Variants in ST6GALNAC5 observed in about 807,000 individuals in gnomAD.
ST6GALNAC5 encodes ST6 N-acetylgalactosaminide alpha-2,6-sialyltransferase 5.
A neutral mutation model predicts 33.6 loss-of-function variants in ST6GALNAC5; 27 were observed. The observed-to-expected ratio is 0.80, with a 90% CI of 0.59 to 1.11. The LOEUF (loss-of-function observed/expected upper bound fraction) is 1.11, where lower values mean the gene tolerates loss of function less well. Ranked by LOEUF, ST6GALNAC5 falls within the 50% of genes least tolerant of loss-of-function variation. The pLI is 0.00. For synonymous variants in ST6GALNAC5, 194 were observed against 171.2 expected (o/e 1.13, Z -1.04); for missense variants, 428 against 454.0 (o/e 0.94, Z 0.52).
At chr1:77,047,209 G>C (rs1325228747) in intron 3 of ST6GALNAC5, among the ~76,000 whole-genome samples, 1 of 152,152 alleles carries the variant, frequency 6.6e-6, no homozygotes, top group Non-Finnish European at 1.5e-5. Context: ...TGTGCCTCTT[G>C]CCTTCGGGAA....
intron 2 of ST6GALNAC5, among the ~76,000 whole-genome samples, chr1:77,016,099 GCTCCTGTATCTCCTCCCTCTCCTC>G (rs1202497428): frequency 3.5e-5 from 3 of 86,076 alleles, no homozygotes; most frequent in Middle Eastern, 9.8e-3. Flanking sequence ...TCCCCCTCAT[GCTCCTGTATCTCCTCCCTCTCCTC>G]CTCCTGTATC....
At chr1:76,903,197 C>T (rs1472359993) in intron 2 of ST6GALNAC5, among the ~76,000 whole-genome samples, 1 of 152,042 alleles carries the variant, frequency 6.6e-6, no homozygotes, top group African/African-American at 2.4e-5. Context: ...AATAATAAAA[C>T]AAATTAACCC....
chr1:77,030,898 G>A (rs995328943), intron 2 of ST6GALNAC5, among the ~76,000 whole-genome samples: 2 of 152,232 alleles, frequency 1.3e-5, no homozygotes, highest in African/African-American at 4.8e-5. Context: ...TCTGCTTCTT[G>A]TATTTTACAA....
At chr1:77,010,646 T>G (rs186939772) in intron 2 of ST6GALNAC5, among the ~76,000 whole-genome samples, 2 of 144,434 alleles carry the variant, frequency 1.4e-5, no homozygotes, top group Admixed American at 1.4e-4. Context: ...CATCTAAATC[T>G]GTGGCACAGG....
chr1:76,885,929 G>A (rs766345157), intron 2 of ST6GALNAC5, among the ~76,000 whole-genome samples: 8 of 152,196 alleles, frequency 5.3e-5, no homozygotes, highest in Non-Finnish European at 1.2e-4. Flanking sequence ...GTAGCTACTT[G>A]GAGGGTATGG....
chr1:77,038,704 T>C (rs1651738485), intron 2 of ST6GALNAC5, among the ~76,000 whole-genome samples: 1 of 152,234 alleles, frequency 6.6e-6, no homozygotes, highest in Non-Finnish European at 1.5e-5. Context: ...GAATTCCTTC[T>C]GCTCTTGCTC....
intron 2 of ST6GALNAC5, among the ~76,000 whole-genome samples, chr1:76,971,226 T>C (rs1648742869): frequency 6.6e-6 from 1 of 152,212 alleles, no homozygotes; most frequent in Admixed American, 6.5e-5. Flanking sequence ...GTTTGCTAAA[T>C]AGGGTGATAG....
At chr1:77,015,823 CAG>C (rs1375011657) in intron 2 of ST6GALNAC5, among the ~76,000 whole-genome samples, 2 of 152,050 alleles carry the variant, frequency 1.3e-5, no homozygotes, top group African/African-American at 4.8e-5. Flanking sequence ...AGAGGCAAGA[CAG>C]GGCTTCACAG....
intron 2 of ST6GALNAC5, among the ~76,000 whole-genome samples, chr1:76,962,723 C>A (rs1390619079): frequency 6.6e-6 from 1 of 152,182 alleles, no homozygotes; most frequent in Non-Finnish European, 1.5e-5. Context: ...TAGAAGGAAT[C>A]TAACAAAGAG....
rs1161826460 is a variant in ST6GALNAC5 at position 76,868,716 on chromosome 1, G to A, written c.235G>A (p.Gly79Arg). The A allele has an allele frequency of 1.3e-6, 2 of 1,520,556 alleles. No individual in the cohort carries two copies. Among genetic ancestry groups the A allele is most frequent in the Admixed American group, 2.2e-5 (1 of 44,908 alleles). 94.2% of individuals were successfully genotyped at this position (1,520,556 alleles called of 1,614,324 possible). A position where few individuals can be genotyped will look rare whatever the true frequency, so the allele number is the denominator to read the frequency against. Residue 79 changes from glycine (G) to arginine (R), a missense_variant, in exon 2 of 5, where the codon GGA becomes AGA. Physicochemically the swap from Gly to Arg is moderately radical, Grantham distance 125 (BLOSUM62 -2). Coordinates refer to ENST00000477717, the MANE Select transcript of ST6GALNAC5 (RefSeq NM_030965.3). The surrounding 1 kb of genome is among the most constrained non-coding windows in gnomAD (Gnocchi z 4.3). ...CCCCGCGGGACCGCGGCCACTGGACGGATACCTCGGAGTGGCGGACCACAA... is the reference window on the plus strand; with the variant it reads ...CCCCGCGGGACCGCGGCCACTGGACAGATACCTCGGAGTGGCGGACCACAA... ...GVPAGPRPLDGYLGVADHKPL... is the reference protein window; with the variant it reads ...GVPAGPRPLDRYLGVADHKPL...
At chr1:76,943,101 T>C (rs1647394206) in intron 2 of ST6GALNAC5, among the ~76,000 whole-genome samples, 1 of 152,106 alleles carries the variant, frequency 6.6e-6, no homozygotes. Context: ...CTAGCCACAG[T>C]TAATGTTTGC....
intron 2 of ST6GALNAC5, among the ~76,000 whole-genome samples, chr1:76,966,465 C>T (rs1350471894): frequency 6.6e-6 from 1 of 152,210 alleles, no homozygotes; most frequent in Non-Finnish European, 1.5e-5. Flanking sequence ...TGAGACTTTG[C>T]TGAAATTGCT....
chr1:76,966,113 C>T (rs1321462330), intron 2 of ST6GALNAC5, among the ~76,000 whole-genome samples: 1 of 151,446 alleles, frequency 6.6e-6, no homozygotes, highest in Non-Finnish European at 1.5e-5. Context: ...TCCATATGAA[C>T]TTTAGTTGTT....
intron 2 of ST6GALNAC5, among the ~76,000 whole-genome samples, chr1:76,923,714 A>AC (rs1647057305): frequency 2.0e-5 from 3 of 152,168 alleles, no homozygotes; most frequent in African/African-American, 7.2e-5. Context: ...ACAAAACAAA[A>AC]AAACAAACAA....
At chr1:77,028,447 C>T (rs1161232779) in intron 2 of ST6GALNAC5, among the ~76,000 whole-genome samples, 1 of 151,914 alleles carries the variant, frequency 6.6e-6, no homozygotes, top group African/African-American at 2.4e-5. Context: ...CATAGTCCTT[C>T]AAGTGACACA....
rs117739607 is a variant in ST6GALNAC5 at position 76,907,605 on chromosome 1, G to T, written c.261+38863G>T. On this transcript the variant is annotated intron_variant, in intron 2 of 4. Transcript: ENST00000477717. Reference sequence around the variant, plus strand: ...GAAGCCCCAGTACTTTACCATGCAAGTGTAGCCCCACATCATCTCACTCTT... The same window carrying T: ...GAAGCCCCAGTACTTTACCATGCAATTGTAGCCCCACATCATCTCACTCTT... 3.2e-4 allele frequency among the ~76,000 whole-genome samples: 49 copies of T among 152,242 alleles called. No individual in the cohort carries two copies. The East Asian group carries it at 9.1e-3, about 28-fold the overall frequency.
intron 2 of ST6GALNAC5, among the ~76,000 whole-genome samples, chr1:76,948,587 CAGAG>C (rs60959607): frequency 0.05 from 6,469 of 129,600 alleles, 315 homozygotes; most frequent in East Asian, 0.31. Flanking sequence ...GGAGTGGGGA[CAGAG>C]AGAGAGAGAG....
rs76129032 is a variant in ST6GALNAC5 at position 76,883,374 on chromosome 1, T to A, written c.261+14632T>A. On this transcript the variant is annotated intron_variant, in intron 2 of 4. Transcript: ENST00000477717. ...AATTGAAAACTGTATCTCAGACATA[T>A]GAAAGCTAAATAAATATTTGTTGAA... Among the ~76,000 whole-genome samples, 771 of 152,330 alleles carry A rather than the reference T, an allele frequency of 5.1e-3. 10 individuals carry two copies. Among genetic ancestry groups the A allele is most frequent in the African/African-American group, 0.018 (745 of 41,552 alleles).
At chr1:76,872,092 CACACACACACACACACACACACACACCA>C (rs1212417808) in intron 2 of ST6GALNAC5, among the ~76,000 whole-genome samples, 4 of 146,016 alleles carry the variant, frequency 2.7e-5, no homozygotes, top group Non-Finnish European at 1.5e-5. Context: ...CACACACACA[CACACACACACACACACACACACACACCA>C]CACACATTAA....
Sources: gnomAD v4.1 joint callset for allele counts (sites outside exome capture counted in the v4.1 genomes callset) on GRCh38, gnomAD v4.1.1 for gene constraint, Gnocchi (gnomAD v3.1) non-coding constraint, MANE v1.5 for transcripts, NCBI Gene and HGNC (gene_info 2026-07-23, HGNC 2026-07-21) for gene names.